The following NR2E1 variants were observed in gnomAD, a reference collection of about 807,000 sequenced individuals.
NR2E1 encodes the protein nuclear receptor subfamily 2 group E member 1, also known as nuclear receptor TLX.
A neutral mutation model predicts 43.6 loss-of-function variants in NR2E1; 5 were observed. The observed-to-expected ratio is 0.11, with a 90% CI of 0.06 to 0.24. The LOEUF is 0.24. Among genes scored for constraint, NR2E1 ranks in the 10% least tolerant of loss-of-function variants. The pLI is 1.00. For synonymous variants in NR2E1, 191 were observed against 195.5 expected, an observed-to-expected ratio of 0.98 and a Z score of 0.19; for missense variants, 287 against 496.7, an observed-to-expected ratio of 0.58 and a Z score of 4.01.
At chr6:108,183,008 G>A (rs1054590028) in intron 8 of NR2E1, among the ~76,000 whole-genome samples, 1 of 152,294 alleles carries the variant, frequency 6.6e-6, no homozygotes, top group African/African-American at 2.4e-5. Flanking sequence ...GCCTAAAGAA[G>A]CCATCTTTTC....
At chr6:108,179,935 G>A (rs1213246591) in intron 5 of NR2E1, among the ~76,000 whole-genome samples, 8 of 152,106 alleles carry the variant, frequency 5.3e-5, no homozygotes, top group Non-Finnish European at 8.8e-5. Flanking sequence ...GCAAGCGTCT[G>A]AGGAATCCTC....
chr6:108,170,071 C>T (rs1394007217), intron 1 of NR2E1, among the ~76,000 whole-genome samples: 3 of 151,728 alleles, frequency 2.0e-5, no homozygotes, highest in Non-Finnish European at 2.9e-5. Flanking sequence ...AAGTTTACAC[C>T]TGCGGTGCCT....
chr6:108,184,618 G>A (rs915601345), intron 8 of NR2E1, among the ~76,000 whole-genome samples: 10 of 152,138 alleles, frequency 6.6e-5, no homozygotes, highest in African/African-American at 2.4e-4. Context: ...GGGAGAAGAT[G>A]TGTCCTGAGA....
chr6:108,176,658 C>G lies in NR2E1; in HGVS notation c.415C>G (p.Pro139Ala). The change falls in exon 4 of 9, where the codon CCG (proline) becomes GCG (alanine). Residue 139 changes from proline to alanine, a missense_variant. By Grantham distance (27) the Pro-to-Ala change is conservative. Coordinates refer to ENST00000368986, the MANE Select transcript of NR2E1 (RefSeq NM_003269.5). ...AFFTAVTQLEPHGLELAAVST... is the reference protein window; with the variant it reads ...AFFTAVTQLEAHGLELAAVST... ...CTTCACCGCGGTCACGCAGCTGGAG[C>G]CGCACGGCCTGGAGCTGGCCGCGGT... The G allele has an allele frequency of 1.2e-6, 2 of 1,606,414 alleles. No individual in the cohort carries two copies. Among genetic ancestry groups the G allele is most frequent in the Non-Finnish European group, 8.5e-7 (1 of 1,178,432 alleles).
chr6:108,171,633 T>C (rs1245132891), intron 2 of NR2E1, 30 bp downstream of exon 2: 1 of 1,613,318 alleles, frequency 6.2e-7, no homozygotes, highest in Admixed American at 1.7e-5. Flanking sequence ...ACTGCTGGGC[T>C]CCGCTCTGCT....
chr6:108,183,681 C>T (rs374877824), intron 8 of NR2E1, among the ~76,000 whole-genome samples: 71 of 152,268 alleles, frequency 4.7e-4, no homozygotes, highest in African/African-American at 7.0e-4. Flanking sequence ...CTATTTCTAT[C>T]GTAAACCTCT....
chr6:108,167,806 C>A (rs77895588), intron 1 of NR2E1, among the ~76,000 whole-genome samples: 2 of 151,940 alleles, frequency 1.3e-5, no homozygotes, highest in Non-Finnish European at 2.9e-5. Context: ...CCTTCCCTCC[C>A]CCTCCCCCTT....
intron 3 of NR2E1, 129 bp downstream of exon 3, chr6:108,175,052 C>T: frequency 1.2e-6 from 1 of 861,078 alleles, no homozygotes; most frequent in Non-Finnish European, 1.9e-6. Context: ...TGGGAATTGG[C>T]CTCGGGCTTT....
Position 108,181,570 on chromosome 6 carries a change from T to G in NR2E1, c.914T>G (p.Leu305Arg), listed in dbSNP as rs769219888. ...GTTCCTACACATAGTGGTTCTGAACTGAGAAGTTTCCGGAATGCTGCCGCC... is the reference window on the plus strand; with the variant it reads ...GTTCCTACACATAGTGGTTCTGAACGGAGAAGTTTCCGGAATGCTGCCGCC... ...KAVPTHSGSE[L>R]RSFRNAAAIA... The change falls in exon 8 of 9, where the codon CTG becomes CGG. Residue 305 changes from leucine to arginine, a missense_variant. This residue lies in a region of NR2E1 where 119 missense variants were observed against 187.0 expected (regional missense o/e 0.64). Transcript: ENST00000368986. 3 of 1,614,036 alleles carry G rather than the reference T, an allele frequency of 1.9e-6. No homozygotes were observed. Among genetic ancestry groups the G allele is most frequent in the African/African-American group, 2.7e-5 (2 of 74,946 alleles).
rs1177140100 is a variant in NR2E1, at chr6:108,181,014, T to A, written c.889+58T>A. On this transcript the variant is annotated intron_variant, in intron 7 of 8. Transcript: ENST00000368986. Reference sequence around the variant, plus strand: ...TCCCCAGTTTTGCCACCTCACTAATTCAGCCACCTCGAAGTCTGAACTGAC... The same window carrying A: ...TCCCCAGTTTTGCCACCTCACTAATACAGCCACCTCGAAGTCTGAACTGAC... 5 of 1,576,722 alleles carry A rather than the reference T, an allele frequency of 3.2e-6. No individual in the cohort carries two copies. In the African/African-American group the frequency reaches 5.4e-5, roughly 17 times the overall value.
chr6:108,176,409 A>T, intron 3 of NR2E1, 94 bp from the exon 4 acceptor site: 1 of 1,315,292 alleles, frequency 7.6e-7, no homozygotes, highest in Non-Finnish European at 1.1e-6. Flanking sequence ...GCCCGCCCAG[A>T]CTTGACATTG....
chr6:108,172,075 A>T (rs1297889478), intron 2 of NR2E1, among the ~76,000 whole-genome samples: 1 of 152,216 alleles, frequency 6.6e-6, no homozygotes, highest in Non-Finnish European at 1.5e-5. Context: ...GCACACAGAC[A>T]TCTGAGTCAA....
rs1019305794 is a variant in NR2E1 at position 108,168,121 on chromosome 6, G to T, written c.25+1331G>T. ...GGCCCAGGACTGGGTTTCCCTTTAG[G>T]CTCGGGCCTACCCTGGCCCTCGCTG... On this transcript the variant is annotated intron_variant, in intron 1 of 8. Transcript: ENST00000368986. The T allele has an allele frequency of 5.0e-6, 8 of 1,603,580 alleles. No individual in the cohort carries two copies. In the African/African-American group the frequency reaches 9.4e-5, roughly 19 times the overall value.
At chr6:108,181,004 C>A (rs1773975616) in intron 7 of NR2E1, 48 bp downstream of exon 7, 1 of 1,605,094 alleles carries the variant, frequency 6.2e-7, no homozygotes, top group African/African-American at 1.3e-5. Flanking sequence ...AGTTTTGCCA[C>A]CTCACTAATT....
In NR2E1 at chr6:108,181,596, A is replaced by G. The variant is rs917694165; in HGVS notation, c.940A>G (p.Ile314Val). Residue 314 changes from isoleucine (I) to valine (V), a missense_variant, in exon 8 of 9, where the codon ATT becomes GTT. Physicochemically the swap from Ile to Val is conservative, Grantham distance 29. Coordinates refer to ENST00000368986, the MANE Select transcript of NR2E1 (RefSeq NM_003269.5). ...GAGAAGTTTCCGGAATGCTGCCGCC[A>G]TTGCAGCCCTTCAAGATGAGGCTCA... The part of the protein sequence containing the change: ...ELRSFRNAAA[I>V]AALQDEAQLT... 6.2e-7 allele frequency: 1 copy of G among 1,614,082 alleles called. No individual in the cohort carries two copies. The highest frequency in any genetic ancestry group is 8.5e-7 in the Non-Finnish European group (1 of 1,180,042).
intron 3 of NR2E1, chr6:108,176,135 G>C (rs1267753070): frequency 4.0e-6 from 1 of 251,008 alleles, no homozygotes; most frequent in Non-Finnish European, 7.7e-6. Context: ...CTTTTGGATG[G>C]GGGCGAGGAT....
chr6:108,183,843 C>T (rs1218151582), intron 8 of NR2E1, among the ~76,000 whole-genome samples: 1 of 152,094 alleles, frequency 6.6e-6, no homozygotes, highest in Non-Finnish European at 1.5e-5. Context: ...ATATAGTAGG[C>T]AGTTAATATT....
intron 8 of NR2E1, among the ~76,000 whole-genome samples, chr6:108,181,945 A>G (rs1044861532): frequency 3.3e-5 from 5 of 152,182 alleles, no homozygotes; most frequent in African/African-American, 1.2e-4. Flanking sequence ...AGGGGTCAAA[A>G]ATGAAGCCTA....
chr6:108,173,929 A>C (rs1773854640), intron 2 of NR2E1, among the ~76,000 whole-genome samples: 1 of 152,188 alleles, frequency 6.6e-6, no homozygotes, highest in Non-Finnish European at 1.5e-5. Context: ...CTAATTTCTC[A>C]TGCATCTCAG....
Sources: gnomAD v4.1 joint callset for allele counts (sites outside exome capture counted in the v4.1 genomes callset) on GRCh38, gnomAD v4.1.1 for gene constraint, gnomAD v4.1.1 regional missense constraint, MANE v1.5 for transcripts, NCBI Gene and HGNC (gene_info 2026-07-23, HGNC 2026-07-21) for gene names.